CEP120: variants seen among roughly 807,000 people sequenced by gnomAD.
CEP120 encodes centrosomal protein of 120 kDa.
A neutral mutation model predicts 126.5 loss-of-function variants in CEP120; 113 were observed. The ratio of observed to expected loss-of-function variants is 0.89; its 90% CI spans 0.77 to 1.04. The LOEUF is 1.04. CEP120 is among the 50% of genes least tolerant of loss of function. The probability of loss-of-function intolerance (pLI) is 0.00; values close to 1 mark genes in which losing one functional copy is unlikely to be tolerated. For synonymous variants in CEP120, 400 were observed against 394.3 expected, an observed-to-expected ratio of 1.01 and a Z score of -0.17; for missense variants, 1,230 against 1,155.7, an observed-to-expected ratio of 1.06 and a Z score of -0.93.
chr5:123,389,170 CTAACTA>C (rs1386477890), intron 8 of CEP120, among the ~76,000 whole-genome samples: 1 of 152,180 alleles, frequency 6.6e-6, no homozygotes, highest in Non-Finnish European at 1.5e-5. Context: ...ATTTACACTA[CTAACTA>C]TAACTGCAAT....
intron 4 of CEP120, chr5:123,402,109 C>A: frequency 3.2e-6 from 5 of 1,577,512 alleles, no homozygotes; most frequent in Non-Finnish European, 4.4e-6. Context: ...GGGTCCACCT[C>A]CAGGACAAGG....
chr5:123,388,366 T>C, intron 9 of CEP120, 66 bp downstream of exon 9: 2 of 1,124,122 alleles, frequency 1.8e-6, no homozygotes, highest in Non-Finnish European at 2.4e-6. Context: ...CTCTCTGCAA[T>C]TCCCCAAACA....
At chr5:123,411,871 A>G (rs1275454220) in intron 4 of CEP120, among the ~76,000 whole-genome samples, 1 of 152,152 alleles carries the variant, frequency 6.6e-6, no homozygotes, top group Non-Finnish European at 1.5e-5. Context: ...GAATGATATG[A>G]TATGTTCATG....
intron 1 of CEP120, among the ~76,000 whole-genome samples, chr5:123,421,624 T>C (rs1017425493): frequency 6.7e-6 from 1 of 148,278 alleles, no homozygotes; most frequent in African/African-American, 2.5e-5. Context: ...AACCTATATT[T>C]ACAGTACATA....
chr5:123,400,757 A>G (rs1048093738), intron 4 of CEP120, among the ~76,000 whole-genome samples: 1 of 148,598 alleles, frequency 6.7e-6, no homozygotes, highest in African/African-American at 2.5e-5. Context: ...GCATGGGCAA[A>G]GGGGGGGTCC....
At chr5:123,401,200 G>A in intron 4 of CEP120, 4 of 1,612,686 alleles carry the variant, frequency 2.5e-6, no homozygotes, top group Non-Finnish European at 3.4e-6. Flanking sequence ...TCCAGGGCCA[G>A]CCTGACGTTC....
chr5:123,373,699 C>T (rs575973060), intron 16 of CEP120, among the ~76,000 whole-genome samples: 1 of 152,194 alleles, frequency 6.6e-6, no homozygotes, highest in Admixed American at 6.5e-5. Context: ...TTCCTGAGTT[C>T]TAACTCCAGG....
At chr5:123,382,705 C>A (rs753601457) in intron 13 of CEP120, 32 bp downstream of exon 13, 7 of 1,586,192 alleles carry the variant, frequency 4.4e-6, no homozygotes, top group Non-Finnish European at 5.2e-6. Flanking sequence ...GCAGACAAAG[C>A]AGATTTTTTA....
intron 4 of CEP120, chr5:123,401,609 A>ACCACAGAT: frequency 7.0e-7 from 1 of 1,419,456 alleles, no homozygotes. Context: ...CATGGACAGC[A>ACCACAGAT]CCACAGATGT....
At chr5:123,407,738 A>T (rs1773791285) in intron 4 of CEP120, among the ~76,000 whole-genome samples, 1 of 152,166 alleles carries the variant, frequency 6.6e-6, no homozygotes, top group African/African-American at 2.4e-5. Flanking sequence ...ATATCTATAG[A>T]CCACTTCAAA....
intron 2 of CEP120, among the ~76,000 whole-genome samples, chr5:123,417,826 C>T (rs549958277): frequency 5.9e-4 from 90 of 152,208 alleles, no homozygotes; most frequent in South Asian, 1.9e-3. Context: ...AAACAAGTTA[C>T]TAATACTTAA....
At chr5:123,401,397 G>T in intron 4 of CEP120, 2 of 1,468,120 alleles carry the variant, frequency 1.4e-6, no homozygotes, top group South Asian at 2.3e-5. Context: ...GCCTGGAGCC[G>T]GCTGATGTTC....
intron 6 of CEP120, 74 bp downstream of exon 6, chr5:123,393,226 C>T (rs957901468): frequency 1.6e-5 from 21 of 1,323,442 alleles, no homozygotes; most frequent in Non-Finnish European, 2.2e-5. Flanking sequence ...GTACTAAACT[C>T]TCGTTTAGTT....
chr5:123,362,216 C>T (rs1484951488), intron 18 of CEP120, among the ~76,000 whole-genome samples: 1 of 151,716 alleles, frequency 6.6e-6, no homozygotes, highest in Non-Finnish European at 1.5e-5. Context: ...ATTCTCATTA[C>T]CAGACCTGGT....
chr5:123,419,419 C>A (rs377069048), intron 1 of CEP120, among the ~76,000 whole-genome samples: 2 of 151,918 alleles, frequency 1.3e-5, no homozygotes, highest in Non-Finnish European at 2.9e-5. Flanking sequence ...TGGTGGCATG[C>A]GCCTGTAGTC....
chr5:123,410,341 C>T (rs1374652058), intron 4 of CEP120, among the ~76,000 whole-genome samples: 1 of 152,016 alleles, frequency 6.6e-6, no homozygotes, highest in South Asian at 2.1e-4. Flanking sequence ...CTGACAAATT[C>T]TTAAGTTTAT....
At chr5:123,376,705 A>G (rs1382074150) in intron 16 of CEP120, among the ~76,000 whole-genome samples, 2 of 152,080 alleles carry the variant, frequency 1.3e-5, no homozygotes, top group Non-Finnish European at 2.9e-5. Flanking sequence ...AGATGCCAAA[A>G]AGCCAATCAG....
intron 9 of CEP120, among the ~76,000 whole-genome samples, chr5:123,387,189 C>T (rs1177596218): frequency 6.6e-6 from 1 of 151,972 alleles, no homozygotes; most frequent in East Asian, 1.9e-4. Context: ...TATTTAAAGC[C>T]AAATATAAAG....
chr5:123,399,375 T>G, intron 4 of CEP120, 91 bp from the exon 5 acceptor site: 1 of 1,295,900 alleles, frequency 7.7e-7, no homozygotes, highest in South Asian at 1.4e-5. Flanking sequence ...GTAATTTGCT[T>G]GGTAATTTTC....
Sources: allele counts gnomAD v4.1 joint callset (sites outside exome capture counted in the v4.1 genomes callset), GRCh38; gene constraint gnomAD v4.1.1; transcripts MANE v1.5; gene names NCBI Gene and HGNC (gene_info 2026-07-23, HGNC 2026-07-21).